LRRC17: variants seen among roughly 807,000 people sequenced by gnomAD.
LRRC17 encodes leucine rich repeat containing 17.
LRRC17 carries 33 observed loss-of-function variants against 41.5 expected under a neutral mutation model. The observed-to-expected ratio is 0.80, with a 90% CI of 0.60 to 1.06. The LOEUF (loss-of-function observed/expected upper bound fraction) is 1.06, where lower values mean the gene tolerates loss of function less well. LRRC17 is among the 50% of genes least tolerant of loss of function. LRRC17 has a pLI of 0.00. For missense variants in LRRC17, 491 were observed against 519.3 expected, an observed-to-expected ratio of 0.95 and a Z score of 0.53; for synonymous variants, 192 against 197.0, an observed-to-expected ratio of 0.97 and a Z score of 0.21.
chr7:102,942,850 G>A (rs1467620933), intron 3 of LRRC17, among the ~76,000 whole-genome samples: 2 of 152,218 alleles, frequency 1.3e-5, no homozygotes, highest in East Asian at 3.9e-4. Flanking sequence ...CTCTACAAGA[G>A]TATTTTAAAA....
At chr7:102,929,824 T>C (rs1335727880) in intron 1 of LRRC17, among the ~76,000 whole-genome samples, 2 of 152,104 alleles carry the variant, frequency 1.3e-5, no homozygotes, top group African/African-American at 4.8e-5. Context: ...GTTGTGGTGA[T>C]GGTCAAACAA....
In LRRC17 at chr7:102,944,311, C is replaced by A; in HGVS notation, c.1030C>A (p.Leu344Ile). The A allele has an allele frequency of 6.2e-7, 1 of 1,613,930 alleles. No homozygotes were observed. Among genetic ancestry groups the A allele is most frequent in the South Asian group, 1.1e-5 (1 of 91,058 alleles). Residue 344 changes from leucine (L) to isoleucine (I), a missense_variant, in exon 4 of 4, where the codon CTC (leucine) becomes ATC (isoleucine). Transcript: ENST00000339431. The stretch of plus-strand genomic sequence containing the variant: ...ATTAGAAGACTTGTATTTTTTGAAA[C>A]TCTTGTGGCTCAGAGATAACCCTTG... ...GVLEDLYFLK[L>I]LWLRDNPWRC... is the part of the protein sequence containing the mutation.
chr7:102,913,687 G>C (rs930117216), intron 1 of LRRC17, among the ~76,000 whole-genome samples: 1 of 152,218 alleles, frequency 6.6e-6, no homozygotes, highest in African/African-American at 2.4e-5. Context: ...ATTTGGGACA[G>C]AAGGCAAAAC....
intron 1 of LRRC17, among the ~76,000 whole-genome samples, chr7:102,916,791 TG>T (rs61021557): frequency 0.016 from 2,387 of 147,962 alleles, 55 homozygotes; most frequent in African/African-American, 0.056. Flanking sequence ...CTGTTTCTTA[TG>T]GGGGGGGGTG....
chr7:102,927,884 A>G (rs1188391760), intron 1 of LRRC17, among the ~76,000 whole-genome samples: 1 of 152,256 alleles, frequency 6.6e-6, no homozygotes, highest in Admixed American at 6.5e-5. Flanking sequence ...CTGTCTTTGA[A>G]AACGTTTGGC....
At chr7:102,914,890 T>C (rs1052236863) in intron 1 of LRRC17, among the ~76,000 whole-genome samples, 1 of 152,186 alleles carries the variant, frequency 6.6e-6, no homozygotes, top group Non-Finnish European at 1.5e-5. Context: ...GTGATTCAAC[T>C]GAGTACAATT....
At chr7:102,943,282 A>G (rs1821811251) in intron 3 of LRRC17, among the ~76,000 whole-genome samples, 1 of 150,032 alleles carries the variant, frequency 6.7e-6, no homozygotes, top group African/African-American at 2.5e-5. Flanking sequence ...CATGCGAAAT[A>G]TTTTCTTAAT....
intron 1 of LRRC17, among the ~76,000 whole-genome samples, chr7:102,932,605 A>G (rs1263687559): frequency 6.6e-6 from 1 of 152,214 alleles, no homozygotes; most frequent in Non-Finnish European, 1.5e-5. Flanking sequence ...CGTTTTTTTG[A>G]GACAGTTGAG....
chr7:102,922,183 C>G (rs1365352210), intron 1 of LRRC17, among the ~76,000 whole-genome samples: 1 of 147,568 alleles, frequency 6.8e-6, no homozygotes, highest in Admixed American at 6.8e-5. Flanking sequence ...GAGGAAGACT[C>G]TGTCTCAAAA....
At chr7:102,915,972 G>C (rs954193691) in intron 1 of LRRC17, among the ~76,000 whole-genome samples, 1 of 151,638 alleles carries the variant, frequency 6.6e-6, no homozygotes, top group Non-Finnish European at 1.5e-5. Context: ...TAAAAGTAGA[G>C]ATGAGTTTCT....
intron 1 of LRRC17, chr7:102,932,995 A>G (rs955624625): frequency 6.6e-6 from 1 of 152,234 alleles, no homozygotes; most frequent in Non-Finnish European, 1.5e-5. Context: ...TAAGGAGTTT[A>G]CTTTCTAGCG....
At chr7:102,925,631 G>A (rs1434595193) in intron 1 of LRRC17, among the ~76,000 whole-genome samples, 1 of 152,010 alleles carries the variant, frequency 6.6e-6, no homozygotes, top group Non-Finnish European at 1.5e-5. Flanking sequence ...TTGGTAATCA[G>A]GATGTTGGCA....
intron 1 of LRRC17, among the ~76,000 whole-genome samples, chr7:102,919,851 T>G (rs1816647785): frequency 6.6e-6 from 1 of 152,150 alleles, no homozygotes. Context: ...CCAGTTATCA[T>G]CAGATGAATC....
intron 1 of LRRC17, among the ~76,000 whole-genome samples, chr7:102,928,351 A>G (rs545598558): frequency 6.6e-6 from 1 of 152,260 alleles, no homozygotes; most frequent in South Asian, 2.1e-4. Context: ...ATGACTTATG[A>G]ATTTGTCCAC....
rs560105381 is a variant in LRRC17, at chr7:102,939,400, T to C, written c.773-30T>C. ...CGAGGAAATGGGGGCAAAAAGAGCA[T>C]AATAACGTAAATATTATTAAATTTT... is the stretch of plus-strand genomic sequence containing the variant. On this transcript the variant is annotated intron_variant, in intron 2 of 3. Coordinates refer to ENST00000339431, the MANE Select transcript of LRRC17 (RefSeq NM_001031692.3). 3 of 1,583,494 alleles carry C rather than the reference T, an allele frequency of 1.9e-6. No homozygotes were observed. The South Asian group carries it at 3.4e-5, about 18-fold the overall frequency.
intron 2 of LRRC17, among the ~76,000 whole-genome samples, chr7:102,938,959 A>G (rs1820856222): frequency 6.6e-6 from 1 of 152,166 alleles, no homozygotes; most frequent in African/African-American, 2.4e-5. Flanking sequence ...GATCTGCCAC[A>G]TTGCCTAGGC....
intron 1 of LRRC17, among the ~76,000 whole-genome samples, chr7:102,920,969 T>C (rs1816860310): frequency 6.6e-6 from 1 of 151,738 alleles, no homozygotes; most frequent in Non-Finnish European, 1.5e-5. Context: ...CTGGCCAACA[T>C]GATGAAACCC....
chr7:102,942,192 T>TC, intron 3 of LRRC17: 1 of 849,556 alleles, frequency 1.2e-6, no homozygotes, highest in Non-Finnish European at 1.9e-6. Context: ...CCAAGCACTT[T>TC]CCTAGAACAA....
At chr7:102,919,512 G>C (rs1816573401) in intron 1 of LRRC17, among the ~76,000 whole-genome samples, 1 of 152,026 alleles carries the variant, frequency 6.6e-6, no homozygotes, top group African/African-American at 2.4e-5. Context: ...TTAATTGAAG[G>C]AACACAATTA....
Sources: allele counts gnomAD v4.1 joint callset (sites outside exome capture counted in the v4.1 genomes callset), GRCh38; gene constraint gnomAD v4.1.1; transcripts MANE v1.5; gene names NCBI Gene and HGNC (gene_info 2026-07-23, HGNC 2026-07-21).